Variants in TMED2 observed in about 807,000 individuals in gnomAD.
The protein encoded by TMED2 is transmembrane emp24 domain-containing protein 2.
Under a neutral mutation model 17.5 loss-of-function variants are expected in TMED2, and 3 were observed. The observed-to-expected ratio is 0.17, with a 90% CI of 0.08 to 0.44. The LOEUF (loss-of-function observed/expected upper bound fraction) is 0.44, where lower values mean the gene tolerates loss of function less well. TMED2 is among the 20% of genes least tolerant of loss of function. The probability of loss-of-function intolerance (pLI) is 0.99; values close to 1 mark genes in which losing one functional copy is unlikely to be tolerated. For missense variants in TMED2, 149 were observed against 254.8 expected, an observed-to-expected ratio of 0.58 and a Z score of 2.83; for synonymous variants, 95 against 91.0, an observed-to-expected ratio of 1.04 and a Z score of -0.25.
Position 123,590,507 on chromosome 12 carries a change from C to T in TMED2, c.481+58C>T. 3.6e-6 allele frequency: 5 copies of T among 1,385,116 alleles called. No homozygotes were observed. In the South Asian group the frequency reaches 6.4e-5, roughly 18 times the overall value. 85.8% of individuals were successfully genotyped at this position (1,385,116 alleles called of 1,614,324 possible). On this transcript the variant is annotated intron_variant, in intron 3 of 3. Coordinates refer to ENST00000262225, the MANE Select transcript of TMED2 (RefSeq NM_006815.4). ...TGATGGTGAAGGTTGTTTTACTCAA[C>T]AGCTTGCTCGTATTTTCCTCATTTG...
Position 123,593,668 on chromosome 12 carries a change from A to C in TMED2, c.482-2937A>C, listed in dbSNP as rs562878371. Among the ~76,000 whole-genome samples the C allele has an allele frequency of 3.3e-5, 5 of 152,236 alleles. No individual in the cohort carries two copies. In the South Asian group the frequency reaches 1.0e-3, roughly 32 times the overall value. ...CCCAGTGAATCTTTAAGCCCAGCTA[A>C]TTTTTGTATTTTTAGTAGACGGGGT... On this transcript the variant is annotated intron_variant, in intron 3 of 3. Transcript: ENST00000262225.
chr12:123,591,945 A>T (rs1384140016), intron 3 of TMED2, among the ~76,000 whole-genome samples: 2 of 152,192 alleles, frequency 1.3e-5, no homozygotes, highest in African/African-American at 2.4e-5. Flanking sequence ...GTGAAGAGTG[A>T]CTCAAAGAGA....
At chr12:123,594,311 T>G (rs1300554155) in intron 3 of TMED2, among the ~76,000 whole-genome samples, 2 of 151,858 alleles carry the variant, frequency 1.3e-5, no homozygotes, top group Admixed American at 6.6e-5. Flanking sequence ...ATTTTTTTTA[T>G]TTTTAGTAGA....
At chr12:123,589,209 T>C (rs760375748) in intron 2 of TMED2, among the ~76,000 whole-genome samples, 2 of 152,232 alleles carry the variant, frequency 1.3e-5, no homozygotes, top group Non-Finnish European at 2.9e-5. Context: ...CTTGTCTCTC[T>C]ACTTACATTG....
intron 2 of TMED2, 84 bp downstream of exon 2, chr12:123,587,023 C>T (rs1458920652): frequency 8.1e-7 from 1 of 1,240,534 alleles, no homozygotes; most frequent in Non-Finnish European, 1.0e-6. Flanking sequence ...GAGTGGAGTA[C>T]TTATTTTTTT....
intron 2 of TMED2, chr12:123,587,628 G>T (rs774161937): frequency 1.6e-6 from 2 of 1,280,630 alleles, no homozygotes; most frequent in South Asian, 2.5e-5. Context: ...AGATACCTGG[G>T]ATGGTATGTG....
At chr12:123,592,316 T>C (rs1039774701) in intron 3 of TMED2, among the ~76,000 whole-genome samples, 1 of 152,230 alleles carries the variant, frequency 6.6e-6, no homozygotes, top group African/African-American at 2.4e-5. Context: ...CAGCCCATTC[T>C]GGAGTTGGAA....
At chr12:123,588,863 C>A (rs972390684) in intron 2 of TMED2, among the ~76,000 whole-genome samples, 1 of 152,192 alleles carries the variant, frequency 6.6e-6, no homozygotes, top group Non-Finnish European at 1.5e-5. Flanking sequence ...CTATCAGTTC[C>A]ATGTGGTGCA....
chr12:123,594,328 G>T lies in TMED2; in HGVS notation c.482-2277G>T, dbSNP rs533736740. Among the ~76,000 whole-genome samples, 3 of 151,682 alleles carry T rather than the reference G, an allele frequency of 2.0e-5. No individual in the cohort carries two copies. In the South Asian group the frequency reaches 6.3e-4, roughly 32 times the overall value. Reference sequence around the variant, plus strand: ...TTTTTTTATTTTTAGTAGAGACGGGGTTTCACTGTGTTAGCCAGGATGGTC... The same window carrying T: ...TTTTTTTATTTTTAGTAGAGACGGGTTTTCACTGTGTTAGCCAGGATGGTC... On this transcript the variant is annotated intron_variant, in intron 3 of 3. Transcript: ENST00000262225.
At chr12:123,584,882 G>A (rs1886309426) in intron 1 of TMED2, 66 bp downstream of exon 1, 4 of 1,578,818 alleles carry the variant, frequency 2.5e-6, no homozygotes, top group Non-Finnish European at 3.4e-6. Context: ...TGGCACCTGG[G>A]ACCGGCGCGG....
At chr12:123,587,272 C>T (rs552909438) in intron 2 of TMED2, among the ~76,000 whole-genome samples, 75 of 152,192 alleles carry the variant, frequency 4.9e-4, no homozygotes, top group Non-Finnish European at 9.6e-4. Flanking sequence ...TAGCGTCAGG[C>T]GTATGCCACC....
At chr12:123,587,569 TGTTG>T (rs767989227) in intron 2 of TMED2, 2 of 1,265,484 alleles carry the variant, frequency 1.6e-6, no homozygotes, top group Non-Finnish European at 2.0e-6. Flanking sequence ...CTAAACTTTT[TGTTG>T]GTTCTTTTTG....
At chr12:123,593,906 C>T (rs1359512615) in intron 3 of TMED2, among the ~76,000 whole-genome samples, 1 of 152,122 alleles carries the variant, frequency 6.6e-6, no homozygotes, top group Non-Finnish European at 1.5e-5. Flanking sequence ...AGTGATCCTC[C>T]CGCCTCAACC....
chr12:123,584,771 C>T lies in TMED2; in HGVS notation c.135C>T (p.Leu45=). ...ERVTSGTKMG[L]IFEVAEGGFL... ...TCACCTCGGGCACCAAGATGGGCCT[C>T]ATCTTCGAGGTGGCGGAGGGCGGCT... The change falls in exon 1 of 4, where the codon CTC becomes CTT. Residue 45 remains leucine (L), a synonymous_variant. Coordinates refer to ENST00000262225, the MANE Select transcript of TMED2 (RefSeq NM_006815.4). 6.2e-7 allele frequency: 1 copy of T among 1,613,308 alleles called. No individual in the cohort carries two copies. Among genetic ancestry groups the T allele is most frequent in the Non-Finnish European group, 8.5e-7 (1 of 1,179,884 alleles).
chr12:123,594,380 C>T (rs953611391), intron 3 of TMED2, among the ~76,000 whole-genome samples: 5 of 151,970 alleles, frequency 3.3e-5, no homozygotes, highest in East Asian at 3.9e-4. Context: ...GTGATCCACC[C>T]GCCTCGACCT....
chr12:123,595,669 G>C (rs2135665197), intron 3 of TMED2, among the ~76,000 whole-genome samples: 1 of 152,212 alleles, frequency 6.6e-6, no homozygotes, highest in South Asian at 2.1e-4. Flanking sequence ...TTTAACCCTA[G>C]AATTATGACC....
At position 123,597,711 on chromosome 12, in the gene TMED2, G is replaced by T. The variant is rs1269188005; in HGVS notation, c.*982G>T. 2.6e-5 allele frequency: 4 copies of T among 152,596 alleles called. No individual in the cohort carries two copies. The highest frequency in any genetic ancestry group is 2.6e-4 in the Admixed American group (4 of 15,278). 9.5% of individuals were successfully genotyped at this position (152,596 alleles called of 1,614,324 possible). On this transcript the variant is annotated 3_prime_UTR_variant, in exon 4 of 4. Transcript: ENST00000262225. Reference sequence around the variant, plus strand: ...TTTGGGTCTTTCTTTTTTGGCACATGTGAATCTTGTTTTGTGTAAAATGAA... The same window carrying T: ...TTTGGGTCTTTCTTTTTTGGCACATTTGAATCTTGTTTTGTGTAAAATGAA...
intron 1 of TMED2, chr12:123,585,988 T>C (rs1471543823): frequency 3.3e-5 from 5 of 152,346 alleles, no homozygotes; most frequent in African/African-American, 9.6e-5. Context: ...CCAGGAATTA[T>C]GGAGAGGCTT....
Position 123,584,891 on chromosome 12 carries a change from G to C in TMED2, c.180+75G>C, listed in dbSNP as rs1886309723. Reference sequence around the variant, plus strand: ...GATTGGTGGCACCTGGGACCGGCGCGGGGCCTGTGTGGGGAGTGGGCTTGG... The same window carrying C: ...GATTGGTGGCACCTGGGACCGGCGCCGGGCCTGTGTGGGGAGTGGGCTTGG... On this transcript the variant is annotated intron_variant, in intron 1 of 3. Coordinates refer to ENST00000262225, the MANE Select transcript of TMED2 (RefSeq NM_006815.4). The C allele has an allele frequency of 1.9e-6, 3 of 1,565,080 alleles. No individual in the cohort carries two copies. The African/African-American group carries it at 4.0e-5, about 21-fold the overall frequency.
Sources: allele counts gnomAD v4.1 joint callset (sites outside exome capture counted in the v4.1 genomes callset), GRCh38; gene constraint gnomAD v4.1.1; transcripts MANE v1.5; gene names NCBI Gene and HGNC (gene_info 2026-07-23, HGNC 2026-07-21).